The following SEMA6D variants were observed in gnomAD, a reference collection of about 807,000 sequenced individuals.
The protein encoded by SEMA6D is semaphorin-6D.
A neutral mutation model predicts 106.6 loss-of-function variants in SEMA6D; 35 were observed. The ratio of observed to expected loss-of-function variants is 0.33; its 90% CI spans 0.25 to 0.44. SEMA6D has a LOEUF of 0.44. Among genes scored for constraint, SEMA6D ranks in the 20% least tolerant of loss-of-function variants. SEMA6D has a pLI of 1.00. For missense variants in SEMA6D, 1,185 were observed against 1,345.9 expected (o/e 0.88, Z 1.87); for synonymous variants, 499 against 487.7 (o/e 1.02, Z -0.31).
intron 3 of SEMA6D, among the ~76,000 whole-genome samples, chr15:47,496,556 T>A (rs1220353407): frequency 2.6e-5 from 4 of 152,060 alleles, no homozygotes; most frequent in African/African-American, 4.8e-5. Context: ...TACCAATGAC[T>A]CAGTCACCTT....
At position 47,733,710 on chromosome 15, in the gene SEMA6D, T is replaced by C. The variant is rs191720573; in HGVS notation, c.-55+16018T>C. ...ATAATATTTCTACCAAATAAGGATG[T>C]TACTAGGTCTTCAGGAGGACATACA... On this transcript the variant is annotated intron_variant, in intron 1 of 18. Coordinates refer to ENST00000536845, the MANE Select transcript of SEMA6D (RefSeq NM_001358351.3). 1.4e-4 allele frequency among the ~76,000 whole-genome samples: 22 copies of C among 152,298 alleles called. No homozygotes were observed. The East Asian group carries it at 4.2e-3, about 29-fold the overall frequency.
At chr15:47,431,784 A>G (rs4143629) in intron 2 of SEMA6D, among the ~76,000 whole-genome samples, 30,639 of 152,128 alleles carry the variant, frequency 0.2, 3,374 homozygotes, top group South Asian at 0.37. Flanking sequence ...TAGACTTCAG[A>G]TACAGTACAG....
At chr15:47,287,553 G>GCAAAAAAAAAAAA (rs1475694557) in intron 1 of SEMA6D, among the ~76,000 whole-genome samples, 67 of 152,230 alleles carry the variant, frequency 4.4e-4, no homozygotes, top group African/African-American at 1.6e-3. Context: ...AAGGCAAATG[G>GCAAAAAAAAAAAA]AAGTCAAAGT....
At chr15:47,688,281 T>C (rs2078512555) in intron 4 of SEMA6D, among the ~76,000 whole-genome samples, 1 of 152,136 alleles carries the variant, frequency 6.6e-6, no homozygotes, top group Non-Finnish European at 1.5e-5. Flanking sequence ...CTGAGCATCA[T>C]ACTGACTATT....
upstream of SEMA6D, among the ~76,000 whole-genome samples, chr15:47,713,643 T>C (rs2079059965): frequency 1.3e-5 from 2 of 152,206 alleles, no homozygotes; most frequent in African/African-American, 4.8e-5. Context: ...CAGCAACCTT[T>C]GAAATTTCAA....
chr15:47,455,063 A>G (rs1375396954), intron 2 of SEMA6D, among the ~76,000 whole-genome samples: 1 of 151,896 alleles, frequency 6.6e-6, no homozygotes, highest in Non-Finnish European at 1.5e-5. Context: ...GTAAGCACTC[A>G]ATAAATGTTA....
At chr15:47,709,430 TGA>T (rs2078974526) in intron 4 of SEMA6D, among the ~76,000 whole-genome samples, 1 of 152,214 alleles carries the variant, frequency 6.6e-6, no homozygotes, top group African/African-American at 2.4e-5. Flanking sequence ...CGACTCTAAA[TGA>T]TAAAACTGCT....
chr15:47,451,688 T>A (rs1253808581), intron 2 of SEMA6D, among the ~76,000 whole-genome samples: 2 of 152,076 alleles, frequency 1.3e-5, no homozygotes, highest in East Asian at 1.9e-4. Context: ...GGAATTCATA[T>A]GATTTAAGTC....
chr15:47,367,979 C>A (rs191607319), intron 1 of SEMA6D, among the ~76,000 whole-genome samples: 3,149 of 143,344 alleles, frequency 0.022, 68 homozygotes, highest in South Asian at 0.098. Flanking sequence ...TTTTTTTTTT[C>A]AGAAGAACAT....
At chr15:47,703,346 CT>C (rs1288122153) in intron 4 of SEMA6D, among the ~76,000 whole-genome samples, 1 of 152,050 alleles carries the variant, frequency 6.6e-6, no homozygotes, top group Non-Finnish European at 1.5e-5. Context: ...CATTTTCATG[CT>C]TTTTTTCTAA....
At chr15:47,705,695 G>A (rs1335274784) in intron 4 of SEMA6D, among the ~76,000 whole-genome samples, 1 of 152,100 alleles carries the variant, frequency 6.6e-6, no homozygotes, top group African/African-American at 2.4e-5. Context: ...TGAAGTACAG[G>A]AATACCTAAG....
At chr15:47,611,587 G>A (rs537702490) in intron 4 of SEMA6D, among the ~76,000 whole-genome samples, 5 of 152,046 alleles carry the variant, frequency 3.3e-5, no homozygotes, top group Admixed American at 2.6e-4. Context: ...TTTTCTATAG[G>A]GTCCATATTT....
chr15:47,432,535 C>CCT (rs2041566357), intron 2 of SEMA6D, among the ~76,000 whole-genome samples: 1 of 92,386 alleles, frequency 1.1e-5, no homozygotes, highest in Non-Finnish European at 2.4e-5. Flanking sequence ...TATACATACA[C>CCT]ATATGTGTTA....
chr15:47,207,360 G>C (rs148733162), intron 1 of SEMA6D, among the ~76,000 whole-genome samples: 1 of 152,016 alleles, frequency 6.6e-6, no homozygotes, highest in Non-Finnish European at 1.5e-5. Flanking sequence ...TTTACAATGC[G>C]GTGAGAGAAT....
chr15:47,651,532 C>T (rs1160024264), intron 4 of SEMA6D, among the ~76,000 whole-genome samples: 1 of 152,182 alleles, frequency 6.6e-6, no homozygotes, highest in Non-Finnish European at 1.5e-5. Context: ...ACCTTAAAAC[C>T]AGAGTTAACC....
intron 4 of SEMA6D, among the ~76,000 whole-genome samples, chr15:47,672,560 ATTATAT>A (rs1272736745): frequency 6.6e-6 from 1 of 152,224 alleles, no homozygotes; most frequent in African/African-American, 2.4e-5. Context: ...ACTTGAAATA[ATTATAT>A]TACTGGTGTA....
intron 3 of SEMA6D, among the ~76,000 whole-genome samples, chr15:47,556,531 G>GA (rs2045920902): frequency 1.3e-5 from 2 of 152,102 alleles, no homozygotes; most frequent in Non-Finnish European, 1.5e-5. Flanking sequence ...AAGACTGTAA[G>GA]AAAAAATGTT....
intron 2 of SEMA6D, 149 bp from the exon 3 acceptor site, chr15:47,760,155 A>ATTTATT: frequency 1.5e-6 from 1 of 650,124 alleles, no homozygotes; most frequent in Non-Finnish European, 2.7e-6. Context: ...GCTGACATTC[A>ATTTATT]CTGCCTTTTA....
chr15:47,234,220 CA>C (rs999811294), intron 1 of SEMA6D, among the ~76,000 whole-genome samples: 9 of 151,910 alleles, frequency 5.9e-5, no homozygotes, highest in African/African-American at 2.2e-4. Flanking sequence ...TAAGAAGACC[CA>C]AAGCAATCAC....
Sources: allele counts gnomAD v4.1 joint callset (sites outside exome capture counted in the v4.1 genomes callset), GRCh38; gene constraint gnomAD v4.1.1; transcripts MANE v1.5; gene names NCBI Gene and HGNC (gene_info 2026-07-23, HGNC 2026-07-21).